APC2: variants seen among roughly 807,000 people sequenced by gnomAD.
APC2 encodes APC regulator of Wnt signaling pathway 2.
APC2 carries 41 observed loss-of-function variants against 72.5 expected under a neutral mutation model. The observed-to-expected ratio is 0.57, with a 90% CI of 0.44 to 0.73. The LOEUF (loss-of-function observed/expected upper bound fraction) is 0.73. Ranked by LOEUF, APC2 falls within the 30% of genes least tolerant of loss-of-function variation. The probability of loss-of-function intolerance (pLI) is 0.00; values close to 1 mark genes in which losing one functional copy is unlikely to be tolerated. For missense variants in APC2, 3,729 were observed against 3,403.4 expected (o/e 1.10, Z -2.38); for synonymous variants, 1,898 against 1,612.0 (o/e 1.18, Z -4.25).
chr19:1,456,027 C>T (rs1410245594), intron 6 of APC2, 49 bp from the exon 7 acceptor site: 3 of 1,470,140 alleles, frequency 2.0e-6, no homozygotes, highest in African/African-American at 1.5e-5. Flanking sequence ...GGGGTCAGAG[C>T]CGGGGGCGGG....
At position 1,470,047 on chromosome 19, in the gene APC2, T is replaced by TG. The variant is rs766620487; in HGVS notation, c.6751dup (p.Val2251GlyfsTer57). On this transcript the variant is annotated frameshift_variant, in exon 15 of 15. Coordinates refer to ENST00000590469, the MANE Select transcript of APC2 (RefSeq NM_005883.3). LOFTEE classifies it high-confidence loss of function. ...TCCGCACCCTTCGTGCACGAGGGCC[T>TG]GGGGGTCGCCGTGGGGGGCTTCCCC... is the stretch of plus-strand genomic sequence containing the variant. 5 of 1,577,054 alleles carry TG rather than the reference T, an allele frequency of 3.2e-6. No homozygotes were observed. Among genetic ancestry groups the TG allele is most frequent in the South Asian group, 2.3e-5 (2 of 87,048 alleles).
chr19:1,447,045 G>C (rs568355196), upstream of APC2, among the ~76,000 whole-genome samples: 1 of 152,308 alleles, frequency 6.6e-6, no homozygotes, highest in Non-Finnish European at 1.5e-5. Context: ...TGACGGAGGC[G>C]CACGTCTGCC....
In APC2 at chr19:1,466,913, G is replaced by A. The variant is rs773668707; in HGVS notation, c.3612G>A (p.Gln1204=). Residue 1204 remains glutamine (Q), a synonymous_variant, in exon 15 of 15, where the codon CAG becomes CAA. Coordinates refer to ENST00000590469, the MANE Select transcript of APC2 (RefSeq NM_005883.3). ...GCGAGCTGCCCGACAGCCCCGGACA[G>A]ACCATGCCTCCCAGCCGGAGCAAGA... ...SPSELPDSPG[Q]TMPPSRSKTP... 6.3e-7 allele frequency: 1 copy of A among 1,588,968 alleles called. No individual in the cohort carries two copies. The highest frequency in any genetic ancestry group is 1.1e-5 in the South Asian group (1 of 88,074).
chr19:1,468,922 C>T lies in APC2; in HGVS notation c.5621C>T (p.Ser1874Phe). Residue 1874 changes from serine to phenylalanine, a missense_variant, in exon 15 of 15, where the codon TCC (serine) becomes TTC (phenylalanine). Transcript: ENST00000590469. ...PPARLAKTPS[S>F]SSSQTSPASQ... ...GCCCGCCTCGCCAAGACCCCCTCCT[C>T]CAGCTCCTCCCAGACCTCGCCCGCC... is the stretch of plus-strand genomic sequence containing the variant. The T allele has an allele frequency of 6.5e-7, 1 of 1,534,996 alleles. No individual in the cohort carries two copies. Among genetic ancestry groups the T allele is most frequent in the Non-Finnish European group, 8.7e-7 (1 of 1,147,944 alleles).
intron 9 of APC2, 168 bp from the exon 10 acceptor site, chr19:1,457,797 C>A: frequency 1.5e-6 from 1 of 645,688 alleles, no homozygotes; most frequent in Admixed American, 2.3e-5. Context: ...GAGAGGCCAC[C>A]CCATCATCCC....
At chr19:1,463,891 T>C (rs1357612731) in intron 14 of APC2, among the ~76,000 whole-genome samples, 6 of 152,188 alleles carry the variant, frequency 3.9e-5, no homozygotes, top group African/African-American at 9.7e-5. Context: ...AATTAACTTA[T>C]TGGCTGGGCG....
intron 9 of APC2, 70 bp from the exon 10 acceptor site, chr19:1,457,895 C>CGGTGGGGGGG (rs1555675931): frequency 2.4e-6 from 3 of 1,251,720 alleles, no homozygotes; most frequent in Non-Finnish European, 3.2e-6. Context: ...GGGCGGGTTG[C>CGGTGGGGGGG]GGGACCTTCG....
At chr19:1,448,413 G>C (rs972615648), upstream of APC2, among the ~76,000 whole-genome samples, 6 of 152,056 alleles carry the variant, frequency 3.9e-5, no homozygotes, top group African/African-American at 1.4e-4. Flanking sequence ...TGGCAAGGTG[G>C]TACATGCCTG....
At position 1,465,303 on chromosome 19, in the gene APC2, G is replaced by T; in HGVS notation, c.2002G>T (p.Ala668Ser). 1 of 1,599,626 alleles carries T rather than the reference G, an allele frequency of 6.3e-7. No homozygotes were observed. The change falls in exon 15 of 15, where the codon GCC becomes TCC. Residue 668 changes from alanine (A) to serine (S), a missense_variant. Ala to Ser is a moderately conservative substitution (Grantham distance 99). Transcript: ENST00000590469. ...RDQELLWDLG[A>S]VGMLRNLVHS... Reference sequence around the variant, plus strand: ...CCAGGAGCTGCTGTGGGACCTGGGCGCCGTGGGCATGCTGCGTAATCTGGT... The same window carrying T: ...CCAGGAGCTGCTGTGGGACCTGGGCTCCGTGGGCATGCTGCGTAATCTGGT...
In APC2 at chr19:1,452,466, G is replaced by C. The variant is rs180735916; in HGVS notation, c.-18-518G>C. 7.4e-4 allele frequency: 121 copies of C among 162,870 alleles called. No homozygotes were observed. Among genetic ancestry groups the C allele is most frequent in the Middle Eastern group, 3.1e-3 (1 of 326 alleles). The allele number at this position is 162,870 out of a possible 1,614,324, so 10.1% of individuals were successfully genotyped here. A position where few individuals can be genotyped will look rare whatever the true frequency, so the allele number is the denominator to read the frequency against. Reference sequence around the variant, plus strand: ...GGTGTTTTCATTGTCCATCGGCAGGGACAGCTGGTGGTCTGTCCGCCCCGC... The same window carrying C: ...GGTGTTTTCATTGTCCATCGGCAGGCACAGCTGGTGGTCTGTCCGCCCCGC... On this transcript the variant is annotated intron_variant, in intron 1 of 14. Transcript: ENST00000590469. The surrounding 1 kb of genome is among the most constrained non-coding windows in gnomAD (Gnocchi z 5.1).
At position 1,467,570 on chromosome 19, in the gene APC2, G is replaced by A. The variant is rs2084041443; in HGVS notation, c.4269G>A (p.Ala1423=). Residue 1423 remains alanine, a synonymous_variant, in exon 15 of 15, where the codon GCG becomes GCA. Transcript: ENST00000590469. ...GPPRDQPGGP[A]GRQRPTGRPT... ...CCAGGGACCAGCCCGGGGGACCAGC[G>A]GGCAGGCAAAGACCCACCGGCCGCC... The A allele has an allele frequency of 6.0e-6, 9 of 1,511,010 alleles. No homozygotes were observed. Among genetic ancestry groups the A allele is most frequent in the Non-Finnish European group, 7.9e-6 (9 of 1,135,962 alleles). The allele number at this position is 1,511,010 out of a possible 1,614,324, so 93.6% of individuals were successfully genotyped here.
In APC2 at chr19:1,467,825, C is replaced by G. The variant is rs772316206; in HGVS notation, c.4524C>G (p.Cys1508Trp). The G allele has an allele frequency of 6.6e-7, 1 of 1,517,940 alleles. No homozygotes were observed. The highest frequency in any genetic ancestry group is 1.4e-5 in the African/African-American group (1 of 70,994). 94.0% of individuals were successfully genotyped at this position (1,517,940 alleles called of 1,614,324 possible). A position where few individuals can be genotyped will look rare whatever the true frequency, so the allele number is the denominator to read the frequency against. Residue 1508 changes from cysteine to tryptophan, a missense_variant, in exon 15 of 15, where the codon TGC (cysteine) becomes TGG (tryptophan). Coordinates refer to ENST00000590469, the MANE Select transcript of APC2 (RefSeq NM_005883.3). ...CGCCCACTGAGGAGGCCGTGTACTG[C>G]TTCTACGGCAACGACTCGGACGAGG... Reference protein sequence around the residue: ...LTTPTEEAVYCFYGNDSDEEP... With the variant: ...LTTPTEEAVYWFYGNDSDEEP...
At position 1,457,954 on chromosome 19, in the gene APC2, T is replaced by C. The variant is rs2083864170; in HGVS notation, c.1208-11T>C. Reference sequence around the variant, plus strand: ...GGAATGGGGGCTCTGATCTGGTCCCTGTGCCCACAGCCCCGATCCCCATCG... The same window carrying C: ...GGAATGGGGGCTCTGATCTGGTCCCCGTGCCCACAGCCCCGATCCCCATCG... On this transcript the variant is annotated splice_polypyrimidine_tract_variant and intron_variant, in intron 9 of 14. Transcript: ENST00000590469. 4 of 1,545,754 alleles carry C rather than the reference T, an allele frequency of 2.6e-6. No individual in the cohort carries two copies. In the East Asian group the frequency reaches 9.6e-5, roughly 37 times the overall value.
chr19:1,451,393 G>GCC (rs1165833829), intron 1 of APC2: 1 of 152,826 alleles, frequency 6.5e-6, no homozygotes, highest in East Asian at 1.9e-4. Flanking sequence ...TGGGGCTCGA[G>GCC]CCAGACCCCA....
chr19:1,448,501 G>A (rs528896672), upstream of APC2, among the ~76,000 whole-genome samples: 4 of 150,794 alleles, frequency 2.7e-5, no homozygotes, highest in Non-Finnish European at 4.4e-5. Context: ...AGCCGAGATG[G>A]CGCCACTGCA....
chr19:1,457,507 C>CTT (rs1322282924), intron 9 of APC2: 4 of 553,210 alleles, frequency 7.2e-6, no homozygotes, highest in Non-Finnish European at 1.2e-5. Context: ...TGGGTGCAGA[C>CTT]TTTGAGATTC....
At position 1,471,257 on chromosome 19, in the gene APC2, C is replaced by G. The variant is rs1019472335; in HGVS notation, c.*1044C>G. 1 of 152,408 alleles carries G rather than the reference C, an allele frequency of 6.6e-6. No homozygotes were observed. Among genetic ancestry groups the G allele is most frequent in the South Asian group, 2.1e-4 (1 of 4,830 alleles). 9.4% of individuals were successfully genotyped at this position (152,408 alleles called of 1,614,324 possible). On this transcript the variant is annotated 3_prime_UTR_variant, in exon 15 of 15. Coordinates refer to ENST00000590469, the MANE Select transcript of APC2 (RefSeq NM_005883.3). ...GGACCGCACCGCTGCTCATCTTGTC[C>G]CTTTTCAATTCCCTTCTGGTTCATG... is the stretch of plus-strand genomic sequence containing the variant.
intron 9 of APC2, chr19:1,457,542 T>A: frequency 1.9e-6 from 1 of 527,432 alleles, no homozygotes; most frequent in Non-Finnish European, 3.3e-6. Flanking sequence ...ATCGCAAAGT[T>A]AATATGGGGG....
Position 1,457,240 on chromosome 19 carries a change from A to G in APC2, c.1204A>G (p.Ser402Gly), listed in dbSNP as rs1243440998. The G allele has an allele frequency of 1.1e-5, 17 of 1,526,598 alleles. No homozygotes were observed. The highest frequency in any genetic ancestry group is 1.5e-5 in the Non-Finnish European group (17 of 1,141,170). 94.6% of individuals were successfully genotyped at this position (1,526,598 alleles called of 1,614,324 possible). A position where few individuals can be genotyped will look rare whatever the true frequency, so the allele number is the denominator to read the frequency against. ...DGGPEGGGAG[S>G]APIPIEPQIC... The stretch of plus-strand genomic sequence containing the variant: ...CGGGCCCGAGGGAGGTGGCGCCGGC[A>G]GCGGTGAGTGCCTGGCCTGGTGGGC... The change falls in exon 9 of 15, where the codon AGC becomes GGC. Residue 402 changes from serine (S) to glycine (G), a missense_variant. Ser to Gly is a moderately conservative substitution (Grantham distance 56). Coordinates refer to ENST00000590469, the MANE Select transcript of APC2 (RefSeq NM_005883.3).
Sources: allele counts gnomAD v4.1 joint callset (sites outside exome capture counted in the v4.1 genomes callset), GRCh38; gene constraint gnomAD v4.1.1; non-coding constraint Gnocchi (gnomAD v3.1); transcripts MANE v1.5; gene names NCBI Gene and HGNC (gene_info 2026-07-23, HGNC 2026-07-21).